Variants in SLC35F3 observed in about 807,000 individuals in gnomAD.
SLC35F3 encodes putative thiamine transporter SLC35F3.
A neutral mutation model predicts 49.9 loss-of-function variants in SLC35F3; 25 were observed. The observed-to-expected ratio is 0.50, with a 90% CI of 0.37 to 0.70. SLC35F3 has a LOEUF of 0.70. Ranked by LOEUF, SLC35F3 falls within the 30% of genes least tolerant of loss-of-function variation. The pLI, the probability that SLC35F3 is intolerant of heterozygous loss-of-function variation, is 0.00. For synonymous variants in SLC35F3, 275 were observed against 265.4 expected (o/e 1.04, Z -0.35); for missense variants, 525 against 639.8 (o/e 0.82, Z 1.94).
chr1:234,034,994 A>G (rs567929510), intron 2 of SLC35F3, among the ~76,000 whole-genome samples: 1 of 152,340 alleles, frequency 6.6e-6, no homozygotes, highest in Admixed American at 6.5e-5. Context: ...GGCCACATAA[A>G]CATTCCAACA....
intron 3 of SLC35F3, among the ~76,000 whole-genome samples, chr1:234,238,421 G>A (rs556723193): frequency 5.3e-5 from 8 of 152,150 alleles, no homozygotes; most frequent in African/African-American, 1.9e-4. Flanking sequence ...GGTTGTCTCT[G>A]CCTGTTTTAA....
chr1:234,265,729 C>T (rs1349827160), intron 3 of SLC35F3, among the ~76,000 whole-genome samples: 1 of 152,152 alleles, frequency 6.6e-6, no homozygotes, highest in Non-Finnish European at 1.5e-5. Context: ...AGCCTCCTGT[C>T]ACTCCCCTAC....
chr1:234,202,025 A>G (rs1222368676), intron 2 of SLC35F3, among the ~76,000 whole-genome samples: 1 of 152,170 alleles, frequency 6.6e-6, no homozygotes, highest in Non-Finnish European at 1.5e-5. Context: ...AATATAGTAC[A>G]TATACACCAT....
chr1:233,965,443 T>A (rs1032432450), intron 2 of SLC35F3, among the ~76,000 whole-genome samples: 1 of 151,918 alleles, frequency 6.6e-6, no homozygotes. Flanking sequence ...GCAAAAAGAG[T>A]GGGCCATTGT....
At position 234,236,925 on chromosome 1, in the gene SLC35F3, T is replaced by TA. The variant is rs1491285612; in HGVS notation, c.608+5184_608+5185insA. 2.9e-3 allele frequency among the ~76,000 whole-genome samples: 275 copies of TA among 96,204 alleles called. 3 individuals are homozygous for TA. The highest frequency in any genetic ancestry group is 0.01 in the African/African-American group (258 of 24,598). 63.1% of individuals were successfully genotyped at this position (96,204 alleles called of 152,430 possible). On this transcript the variant is annotated intron_variant, in intron 3 of 7. Coordinates refer to ENST00000366618, the MANE Select transcript of SLC35F3 (RefSeq NM_173508.4). ...AGACAGTCTCCTATTAAAAAAAAAATTATATATATATATATATATATATAT... is the reference window on the plus strand; with the variant it reads ...AGACAGTCTCCTATTAAAAAAAAAATATATATATATATATATATATATATAT...
intron 2 of SLC35F3, among the ~76,000 whole-genome samples, chr1:234,183,025 G>T (rs1666586056): frequency 7.0e-6 from 1 of 142,298 alleles, no homozygotes; most frequent in Non-Finnish European, 1.5e-5. Flanking sequence ...CTTTTTGTTT[G>T]TTTGTTTTTG....
At chr1:234,131,345 T>G (rs1371673776) in intron 2 of SLC35F3, among the ~76,000 whole-genome samples, 1 of 152,220 alleles carries the variant, frequency 6.6e-6, no homozygotes, top group African/African-American at 2.4e-5. Context: ...TAGAGGTAGC[T>G]GGGCCCTGGA....
chr1:234,117,958 G>A (rs1317880508), intron 2 of SLC35F3, among the ~76,000 whole-genome samples: 8,752 of 41,356 alleles, frequency 0.21, 1,055 homozygotes, highest in East Asian at 0.8. Flanking sequence ...GTGTGTGTGT[G>A]TGTGTGTATA....
chr1:233,938,412 G>C (rs1410061821), intron 2 of SLC35F3, among the ~76,000 whole-genome samples: 1 of 152,112 alleles, frequency 6.6e-6, no homozygotes, highest in African/African-American at 2.4e-5. Context: ...ATATACCCTT[G>C]GCTTAGGAAG....
chr1:234,239,644 G>A (rs1479032563), intron 3 of SLC35F3, among the ~76,000 whole-genome samples: 2 of 152,252 alleles, frequency 1.3e-5, no homozygotes, highest in Admixed American at 1.3e-4. Flanking sequence ...TACTAGGAAA[G>A]AAGTGGGTCA....
At chr1:234,114,653 A>G (rs905000851) in intron 2 of SLC35F3, among the ~76,000 whole-genome samples, 3 of 152,356 alleles carry the variant, frequency 2.0e-5, no homozygotes, top group African/African-American at 7.2e-5. Flanking sequence ...TTTTAAGAGT[A>G]ATTTTAGCTC....
intron 2 of SLC35F3, among the ~76,000 whole-genome samples, chr1:234,147,453 T>C (rs1453609960): frequency 1.3e-5 from 2 of 152,154 alleles, no homozygotes; most frequent in Non-Finnish European, 2.9e-5. Flanking sequence ...TTAAGTAGAG[T>C]TATACTTATT....
intron 2 of SLC35F3, among the ~76,000 whole-genome samples, chr1:234,124,930 A>C (rs571036709): frequency 5.3e-5 from 8 of 152,334 alleles, no homozygotes; most frequent in African/African-American, 1.9e-4. Flanking sequence ...GCATGTGTCC[A>C]TGCATGCATT....
chr1:234,039,716 A>G (rs1664193074), intron 2 of SLC35F3, among the ~76,000 whole-genome samples: 1 of 152,216 alleles, frequency 6.6e-6, no homozygotes, highest in Admixed American at 6.5e-5. Flanking sequence ...TCAGCCTGCC[A>G]TGCTCAACCC....
At chr1:234,091,489 G>T (rs1389685892) in intron 2 of SLC35F3, among the ~76,000 whole-genome samples, 1 of 152,172 alleles carries the variant, frequency 6.6e-6, no homozygotes, top group Non-Finnish European at 1.5e-5. Context: ...ACTTCTCTGA[G>T]ACCAGGGTGG....
chr1:234,115,134 A>T (rs1358330266), intron 2 of SLC35F3, among the ~76,000 whole-genome samples: 1 of 152,148 alleles, frequency 6.6e-6, no homozygotes, highest in Non-Finnish European at 1.5e-5. Context: ...CAAAGTGTTC[A>T]GGTAGGTTTC....
chr1:233,913,470 G>C (rs1661916962), intron 2 of SLC35F3, among the ~76,000 whole-genome samples: 1 of 152,160 alleles, frequency 6.6e-6, no homozygotes, highest in Non-Finnish European at 1.5e-5. Context: ...TTAAGAATGT[G>C]GCTGAAGCTG....
At chr1:234,301,615 G>A (rs1360419099) in intron 3 of SLC35F3, among the ~76,000 whole-genome samples, 1 of 152,196 alleles carries the variant, frequency 6.6e-6, no homozygotes, top group African/African-American at 2.4e-5. Flanking sequence ...TTCAACTATT[G>A]TGGAATACAG....
intron 2 of SLC35F3, among the ~76,000 whole-genome samples, chr1:234,219,441 C>T (rs570061410): frequency 4.5e-4 from 68 of 152,260 alleles, no homozygotes; most frequent in Middle Eastern, 3.4e-3. Flanking sequence ...ACCTAATATA[C>T]GCAAGAGAAT....
Sources: gnomAD v4.1 joint callset for allele counts (sites outside exome capture counted in the v4.1 genomes callset) on GRCh38, gnomAD v4.1.1 for gene constraint, MANE v1.5 for transcripts, NCBI Gene and HGNC (gene_info 2026-07-23, HGNC 2026-07-21) for gene names.